Variants in RPH3A observed in about 807,000 individuals in gnomAD.
RPH3A encodes the protein rabphilin-3A.
Under a neutral mutation model 102.2 loss-of-function variants are expected in RPH3A, and 48 were observed. The observed-to-expected ratio is 0.47, with a 90% confidence interval of 0.37 to 0.60. The LOEUF (loss-of-function observed/expected upper bound fraction) is 0.60. RPH3A is among the 20% of genes least tolerant of loss of function. The probability of loss-of-function intolerance (pLI) is 0.00; values close to 1 mark genes in which losing one functional copy is unlikely to be tolerated. For missense variants in RPH3A, 781 were observed against 910.1 expected (o/e 0.86, Z 1.83); for synonymous variants, 310 against 324.3 (o/e 0.96, Z 0.47).
At chr12:112,816,534 A>T (rs2041674026) in intron 2 of RPH3A, among the ~76,000 whole-genome samples, 1 of 152,208 alleles carries the variant, frequency 6.6e-6, no homozygotes, top group African/African-American at 2.4e-5. Flanking sequence ...GTGAGTATGC[A>T]CTGGCTTTGA....
At position 112,855,917 on chromosome 12, in the gene RPH3A, G is replaced by A. The variant is rs559635912; in HGVS notation, c.230+8075G>A. 3.9e-5 allele frequency among the ~76,000 whole-genome samples: 6 copies of A among 152,180 alleles called. No individual in the cohort carries two copies. The East Asian group carries it at 1.2e-3, about 29-fold the overall frequency. ...AGACAGAGAGAGAGAGAGAAAGACA[G>A]AAAGACAGAGAAAGAGGCAAAAATC... On this transcript the variant is annotated intron_variant, in intron 5 of 21. Coordinates refer to ENST00000389385, the MANE Select transcript of RPH3A (RefSeq NM_001143854.2).
chr12:112,688,452 G>C (rs1381009511), intron 1 of RPH3A, among the ~76,000 whole-genome samples: 1 of 152,140 alleles, frequency 6.6e-6, no homozygotes, highest in Non-Finnish European at 1.5e-5. Flanking sequence ...CTCAAGGATT[G>C]TGACTTTTAA....
upstream of RPH3A, among the ~76,000 whole-genome samples, chr12:112,790,605 G>A (rs958624658): frequency 2.0e-5 from 3 of 152,200 alleles, no homozygotes; most frequent in African/African-American, 4.8e-5. Context: ...CCCAAAGTTA[G>A]GAGGAATAGG....
At chr12:112,824,390 T>C (rs1407341860) in intron 2 of RPH3A, among the ~76,000 whole-genome samples, 6 of 152,140 alleles carry the variant, frequency 3.9e-5, no homozygotes, top group African/African-American at 1.4e-4. Context: ...AGTGTAGCCC[T>C]TCATGGCTAA....
At chr12:112,659,502 C>T (rs891679022) in intron 1 of RPH3A, among the ~76,000 whole-genome samples, 1 of 152,204 alleles carries the variant, frequency 6.6e-6, no homozygotes, top group Non-Finnish European at 1.5e-5. Context: ...TTTCTCCTTG[C>T]ATCTTGTGGG....
At chr12:112,775,369 T>A (rs1401180388) in intron 1 of RPH3A, among the ~76,000 whole-genome samples, 2 of 152,180 alleles carry the variant, frequency 1.3e-5, no homozygotes, top group Non-Finnish European at 2.9e-5. Flanking sequence ...TTGCTGTGCA[T>A]GTACCATGTG....
intron 1 of RPH3A, among the ~76,000 whole-genome samples, chr12:112,716,845 A>C (rs548109519): frequency 5.9e-5 from 9 of 152,354 alleles, no homozygotes; most frequent in Admixed American, 2.0e-4. Flanking sequence ...ATGGCACTGG[A>C]CACTCTGGTG....
chr12:112,786,335 T>C (rs1478557259), intron 1 of RPH3A, among the ~76,000 whole-genome samples: 4 of 152,226 alleles, frequency 2.6e-5, no homozygotes, highest in Non-Finnish European at 5.9e-5. Flanking sequence ...TCAGTGCACA[T>C]AGGCCGATCT....
chr12:112,729,317 A>G (rs2040617221), intron 1 of RPH3A, among the ~76,000 whole-genome samples: 1 of 151,924 alleles, frequency 6.6e-6, no homozygotes, highest in Admixed American at 6.6e-5. Context: ...CCCCTCGCTG[A>G]GTCTACAGGT....
rs2040908628 is a variant in RPH3A at position 112,768,757 on chromosome 12, CA to C, written c.-139-23382del. Among the ~76,000 whole-genome samples the C allele has an allele frequency of 2.6e-5, 4 of 152,126 alleles. No homozygotes were observed. The South Asian group carries it at 6.2e-4, about 24-fold the overall frequency. ...GCAAGGCCCCATCTCTACAAAAATA[CA>C]AAAGTTAGCTGGGCATGGTGACACA... On this transcript the variant is annotated intron_variant, in intron 1 of 21. Coordinates refer to the RPH3A transcript ENST00000543106.
chr12:112,752,185 C>T (rs1466432069), intron 1 of RPH3A, among the ~76,000 whole-genome samples: 2 of 152,082 alleles, frequency 1.3e-5, no homozygotes, highest in Admixed American at 6.6e-5. Context: ...CAAACGAGGT[C>T]CAATTCTCCT....
intron 1 of RPH3A, among the ~76,000 whole-genome samples, chr12:112,645,219 A>G (rs2039919091): frequency 6.6e-6 from 1 of 152,114 alleles, no homozygotes; most frequent in Non-Finnish European, 1.5e-5. Flanking sequence ...ATATCACACC[A>G]CATGCCACCC....
intron 1 of RPH3A, among the ~76,000 whole-genome samples, chr12:112,730,138 A>G (rs1399613961): frequency 6.6e-6 from 1 of 152,234 alleles, no homozygotes; most frequent in Non-Finnish European, 1.5e-5. Flanking sequence ...CTTCCCTTAC[A>G]GCTCTCAGAA....
intron 2 of RPH3A, among the ~76,000 whole-genome samples, chr12:112,821,209 C>T (rs972230794): frequency 2.0e-5 from 3 of 152,132 alleles, no homozygotes; most frequent in African/African-American, 2.4e-5. Context: ...AGGAGGTCGC[C>T]GTCTTTCTCT....
At position 112,869,931 on chromosome 12, in the gene RPH3A, G is replaced by C. The variant is rs1164327966; in HGVS notation, c.688G>C (p.Gly230Arg). 5.6e-6 allele frequency: 9 copies of C among 1,614,018 alleles called. 1 individual carries two copies. The South Asian group carries it at 8.8e-5, about 16-fold the overall frequency. Residue 230 changes from glycine to arginine, a missense_variant, in exon 10 of 22, where the codon GGG becomes CGG. By Grantham distance (125) the Gly-to-Arg change is moderately radical (BLOSUM62 -2). Around this residue, in one of 2 missense-constraint regions of RPH3A, gnomAD observed 730 missense variants for 810.0 expected, o/e 0.90. Coordinates refer to ENST00000389385, the MANE Select transcript of RPH3A (RefSeq NM_001143854.2). ...CTCTGCTCCCGGGCGAGGAAACTAT[G>C]GGCCTCCCGTGCGCAGGGCCTCCGA... Reference protein sequence around the residue: ...PASAPGRGNYGPPVRRASEAR... With the variant: ...PASAPGRGNYRPPVRRASEAR...
intron 21 of RPH3A, 139 bp from the exon 22 acceptor site, chr12:112,896,511 T>C (rs1309829585): frequency 3.2e-6 from 3 of 950,572 alleles, no homozygotes; most frequent in African/African-American, 3.3e-5. Flanking sequence ...GCAGCAACGT[T>C]ATAACAACTC....
intron 2 of RPH3A, 53 bp downstream of exon 2, chr12:112,792,316 A>C (rs2041135998): frequency 6.6e-6 from 1 of 152,132 alleles, no homozygotes; most frequent in Non-Finnish European, 1.5e-5. Flanking sequence ...TTGGAATCCC[A>C]ATTGTGATGT....
At chr12:112,756,034 A>T (rs1473952274) in intron 1 of RPH3A, among the ~76,000 whole-genome samples, 1 of 152,198 alleles carries the variant, frequency 6.6e-6, no homozygotes, top group Non-Finnish European at 1.5e-5. Flanking sequence ...AGTGCGAAGA[A>T]ATATGGGGTG....
intron 2 of RPH3A, among the ~76,000 whole-genome samples, chr12:112,810,874 C>T (rs1351253242): frequency 6.6e-6 from 1 of 151,878 alleles, no homozygotes; most frequent in East Asian, 1.9e-4. Flanking sequence ...GTACTGCATA[C>T]ATTTGTATAT....
Sources: gnomAD v4.1 joint callset for allele counts (sites outside exome capture counted in the v4.1 genomes callset) on GRCh38, gnomAD v4.1.1 for gene constraint, gnomAD v4.1.1 regional missense constraint, MANE v1.5 for transcripts, NCBI Gene and HGNC (gene_info 2026-07-23, HGNC 2026-07-21) for gene names.